The following MCM7 variants were observed in gnomAD, a reference collection of about 807,000 sequenced individuals.
MCM7 encodes DNA replication licensing factor MCM7.
MCM7 carries 95 observed loss-of-function variants against 83.5 expected under a neutral mutation model. The ratio of observed to expected loss-of-function variants is 1.14; its 90% CI spans 0.96 to 1.35. The LOEUF (loss-of-function observed/expected upper bound fraction) is 1.35. MCM7 is among the 40% of genes most tolerant of loss of function. MCM7 has a pLI of 0.00. For missense variants in MCM7, 1,087 were observed against 957.4 expected, an observed-to-expected ratio of 1.14 and a Z score of -1.79; for synonymous variants, 461 against 352.7, an observed-to-expected ratio of 1.31 and a Z score of -3.44.
At chr7:100,094,858 A>G (rs1459191104) in intron 12 of MCM7, among the ~76,000 whole-genome samples, 1 of 152,186 alleles carries the variant, frequency 6.6e-6, no homozygotes, top group African/African-American at 2.4e-5. Flanking sequence ...TAAACATGAA[A>G]TTCACCTGTA....
Position 100,096,021 on chromosome 7 carries a change from T to G in MCM7, c.1348A>C (p.Met450Leu). The stretch of plus-strand genomic sequence containing the variant: ...ATGGCTGTGCGGTCGGCCTCAGCCA[T>G]CTTGTCGAACTCATCAATGCAGCAC... ...GVCCIDEFDK[M>L]AEADRTAIHE... The change falls in exon 11 of 15, where the codon ATG becomes CTG. Residue 450 changes from methionine (M) to leucine (L), a missense_variant. Coordinates refer to ENST00000303887, the MANE Select transcript of MCM7 (RefSeq NM_005916.5). The G allele has an allele frequency of 6.2e-7, 1 of 1,613,924 alleles. No individual in the cohort carries two copies. Among genetic ancestry groups the G allele is most frequent in the Non-Finnish European group, 8.5e-7 (1 of 1,179,982 alleles).
In MCM7 at chr7:100,099,305, C is replaced by T. The variant is rs1255908551; in HGVS notation, c.375G>A (p.Gln125=). ...ATCTGCGCATGAGTTCAGCAGGGTA[C>T]TGGTTCTGGGGGCTTCGGACCATCC... ...DPGMVRSPQN[Q]YPAELMRRFE... Residue 125 remains glutamine, a synonymous_variant, in exon 4 of 15, where the codon CAG becomes CAA. Coordinates refer to ENST00000303887, the MANE Select transcript of MCM7 (RefSeq NM_005916.5). 1 of 1,613,798 alleles carries T rather than the reference C, an allele frequency of 6.2e-7. No individual in the cohort carries two copies. Among genetic ancestry groups the T allele is most frequent in the Admixed American group, 1.7e-5 (1 of 59,932 alleles).
chr7:100,099,073 C>T lies in MCM7; in HGVS notation c.532G>A (p.Val178Met), dbSNP rs953300435. 6.2e-7 allele frequency: 1 copy of T among 1,614,052 alleles called. No homozygotes were observed. Among genetic ancestry groups the T allele is most frequent in the African/African-American group, 1.3e-5 (1 of 74,910 alleles). Residue 178 changes from valine to methionine, a missense_variant, in exon 5 of 15, where the codon GTG becomes ATG. By Grantham distance (21) the Val-to-Met change is conservative. Coordinates refer to ENST00000303887, the MANE Select transcript of MCM7 (RefSeq NM_005916.5). ...TGGTCACAAGTGTAAGTGGCCACCA[C>T]CATCTTGGGTTTGACTTCAGAGACA... Reference protein sequence around the residue: ...TRVSEVKPKMVVATYTCDQCG... With the variant: ...TRVSEVKPKMMVATYTCDQCG...
At chr7:100,093,537 TC>T (rs570911040) in intron 13 of MCM7, 136 bp from the exon 14 acceptor site, 3 of 831,358 alleles carry the variant, frequency 3.6e-6, no homozygotes, top group South Asian at 1.3e-5. Flanking sequence ...GAATCCCCCC[TC>T]CCCCCAGCAT....
intron 10 of MCM7, among the ~76,000 whole-genome samples, chr7:100,096,906 T>TC (rs1282901116): frequency 2.0e-5 from 3 of 151,642 alleles, no homozygotes; most frequent in Non-Finnish European, 4.4e-5. Flanking sequence ...ATCGAGACCA[T>TC]CTGGCTAACA....
chr7:100,097,733 T>A lies in MCM7; in HGVS notation c.998A>T (p.Tyr333Phe). Reference protein sequence around the residue: ...ELRQIAEEDFYEKLAASIAPE... With the variant: ...ELRQIAEEDFFEKLAASIAPE... ...GGCGATTGAAGCTGCCAGCTTTTCG[T>A]AGAAATCCTCCTCTGTAGAGAAGTT... Residue 333 changes from tyrosine to phenylalanine, a missense_variant, in exon 9 of 15, where the codon TAC (tyrosine) becomes TTC (phenylalanine). Physicochemically the swap from Tyr to Phe is conservative, Grantham distance 22. Coordinates refer to ENST00000303887, the MANE Select transcript of MCM7 (RefSeq NM_005916.5). 6.2e-7 allele frequency: 1 copy of A among 1,614,198 alleles called. No individual in the cohort carries two copies. Among genetic ancestry groups the A allele is most frequent in the African/African-American group, 1.3e-5 (1 of 75,040 alleles).
At position 100,095,421 on chromosome 7, in the gene MCM7, A is replaced by AG. The variant is rs770164572; in HGVS notation, c.1644dup (p.Ser549LeufsTer4). ...TTCATGTCCAGAGGTTCAAACTGGGAGGGGGGCTGCCGGCTGTGCTGGTGC... is the reference window on the plus strand; with the variant it reads ...TTCATGTCCAGAGGTTCAAACTGGGAGGGGGGGCTGCCGGCTGTGCTGGTGC... On this transcript the variant is annotated frameshift_variant, in exon 12 of 15. Transcript: ENST00000303887. LOFTEE classifies it high-confidence loss of function. 1 of 1,613,964 alleles carries AG rather than the reference A, an allele frequency of 6.2e-7. No individual in the cohort carries two copies. Among genetic ancestry groups the AG allele is most frequent in the Non-Finnish European group, 8.5e-7 (1 of 1,179,970 alleles).
At position 100,092,874 on chromosome 7, in the gene MCM7, TCCCAAGGGGCAGG is replaced by T; in HGVS notation, c.*45_*57del. The T allele has an allele frequency of 1.9e-6, 3 of 1,596,146 alleles. No individual in the cohort carries two copies. Among genetic ancestry groups the T allele is most frequent in the Non-Finnish European group, 2.6e-6 (3 of 1,164,224 alleles). Reference sequence around the variant, plus strand: ...TCCCCTCAAAGGCATCACTGCCCCTTCCCAAGGGGCAGGCCAGCAGGGAACAAGAGGACCCCAG... The same window carrying T: ...TCCCCTCAAAGGCATCACTGCCCCTTCCAGCAGGGAACAAGAGGACCCCAG... On this transcript the variant is annotated 3_prime_UTR_variant, in exon 15 of 15. Coordinates refer to ENST00000303887, the MANE Select transcript of MCM7 (RefSeq NM_005916.5).
chr7:100,100,448 C>T (rs1466784376), intron 1 of MCM7: 23 of 1,004,438 alleles, frequency 2.3e-5, no homozygotes, highest in East Asian at 1.1e-4. Flanking sequence ...GTCCCCTTAG[C>T]CCCTGATTTC....
At position 100,092,955 on chromosome 7, in the gene MCM7, G is replaced by T. The variant is rs370572012; in HGVS notation, c.2137C>A (p.Arg713=). 1.7e-5 allele frequency: 27 copies of T among 1,614,086 alleles called. No homozygotes were observed. Among genetic ancestry groups the T allele is most frequent in the South Asian group, 2.2e-5 (2 of 91,084 alleles). Residue 713 remains arginine (R), a synonymous_variant, in exon 15 of 15, where the codon CGG becomes AGG. Coordinates refer to ENST00000303887, the MANE Select transcript of MCM7 (RefSeq NM_005916.5). ...ELNVWQVNAS[R]TRITFV ...AATCAGACAAAAGTGATCCGTGTCC[G>T]GGAAGCATTGACCTGCCAGACATTG... is the stretch of plus-strand genomic sequence containing the variant.
chr7:100,097,800 A>T (rs751101848), intron 8 of MCM7, 34 bp downstream of exon 8: 10 of 1,613,910 alleles, frequency 6.2e-6, no homozygotes, highest in South Asian at 1.1e-5. Flanking sequence ...GCTAGGATGT[A>T]AACGGAATTT....
rs759325190 is a variant in MCM7, at chr7:100,094,324, C to T, written c.1697G>A (p.Cys566Tyr). The change falls in exon 13 of 15, where the codon TGC becomes TAC. Residue 566 changes from cysteine (C) to tyrosine (Y), a missense_variant. Transcript: ENST00000303887. ...TGGCACCATGGGCTGCTTCTCGCGG[C>T]ACATGGCTATGTAACGCCTGTGGGG... ...MKLMRRYIAM[C>Y]REKQPMVPES... 1 of 1,614,086 alleles carries T rather than the reference C, an allele frequency of 6.2e-7. No homozygotes were observed. Among genetic ancestry groups the T allele is most frequent in the Non-Finnish European group, 8.5e-7 (1 of 1,180,040 alleles).
At chr7:100,099,522 T>C in intron 3 of MCM7, 67 bp downstream of exon 3, 1 of 1,594,068 alleles carries the variant, frequency 6.3e-7, no homozygotes, top group Non-Finnish European at 8.5e-7. Context: ...CATCAGTATC[T>C]GAGCAGCCTC....
rs1562902308 is a variant in MCM7 at position 100,101,253 on chromosome 7, T to TC, written c.31+10_31+11insG. The TC allele has an allele frequency of 6.2e-7, 1 of 1,612,990 alleles. No individual in the cohort carries two copies. Among genetic ancestry groups the TC allele is most frequent in the African/African-American group, 1.3e-5 (1 of 74,928 alleles). ...CGCGCAGGACGCCCTCCCGGGCTCG[T>TC]AGACCCGTACCCTTCTCTAGCGCGT... On this transcript the variant is annotated intron_variant, in intron 1 of 14. Transcript: ENST00000303887.
chr7:100,093,721 A>G (rs766489239), intron 13 of MCM7: 8 of 649,828 alleles, frequency 1.2e-5, no homozygotes, highest in Non-Finnish European at 2.4e-5. Context: ...TGACAGATGG[A>G]GCTTGGGGAG....
intron 7 of MCM7, 43 bp downstream of exon 7, chr7:100,098,098 G>A (rs1468514638): frequency 6.2e-7 from 1 of 1,607,796 alleles, no homozygotes; most frequent in Admixed American, 1.7e-5. Flanking sequence ...AGTAGGTGAG[G>A]GAAAAGGGGA....
chr7:100,100,640 T>C, intron 1 of MCM7: 1 of 989,578 alleles, frequency 1.0e-6, no homozygotes, highest in Non-Finnish European at 1.2e-6. Context: ...GACACCGCGA[T>C]CCCAGCCCAC....
At position 100,096,083 on chromosome 7, in the gene MCM7, A is replaced by C. The variant is rs1795619048; in HGVS notation, c.1286T>G (p.Leu429Ter). 1.2e-6 allele frequency: 2 copies of C among 1,614,044 alleles called. No homozygotes were observed. Among genetic ancestry groups the C allele is most frequent in the African/African-American group, 2.7e-5 (2 of 75,002 alleles). ...LRDSVSGELT[L>*]EGGALVLADQ... Reference sequence around the variant, plus strand: ...AGCCAGCACCAGGGCCCCACCCTCTAAGGTCAGTTCTCCACTCACGGAGTC... The same window carrying C: ...AGCCAGCACCAGGGCCCCACCCTCTCAGGTCAGTTCTCCACTCACGGAGTC... Residue 429 changes from leucine (L) to a stop codon, truncating the protein, a stop_gained, in exon 11 of 15, where the codon TTA becomes TGA. Transcript: ENST00000303887. LOFTEE classifies it high-confidence loss of function.
intron 1 of MCM7, 38 bp from the exon 2 acceptor site, chr7:100,100,131 TAAGAC>T (rs777650984): frequency 1.8e-5 from 29 of 1,608,444 alleles, no homozygotes; most frequent in Middle Eastern, 1.7e-4. Context: ...ACACAAACTT[TAAGAC>T]AAATCTTAGA....
Sources: allele counts gnomAD v4.1 joint callset (sites outside exome capture counted in the v4.1 genomes callset), GRCh38; gene constraint gnomAD v4.1.1; transcripts MANE v1.5; gene names NCBI Gene and HGNC (gene_info 2026-07-23, HGNC 2026-07-21).